Variants in SAMD5 observed in about 807,000 individuals in gnomAD.
SAMD5 encodes sterile alpha motif domain-containing protein 5.
Under a neutral mutation model 11.3 loss-of-function variants are expected in SAMD5, and 13 were observed. That is an observed-to-expected ratio of 1.15 (90% CI 0.75 to 1.83). The LOEUF is 1.83. SAMD5 is among the 40% of genes most tolerant of loss of function. The probability of loss-of-function intolerance (pLI) is 0.00; values close to 1 mark genes in which losing one functional copy is unlikely to be tolerated. For missense variants in SAMD5, 255 were observed against 239.1 expected (o/e 1.07, Z -0.44); for synonymous variants, 129 against 111.3 (o/e 1.16, Z -1.00).
At chr6:147,743,673 A>C in the SAMD5 span, among the ~76,000 whole-genome samples, 76 of 152,308 alleles carry the variant, frequency 5.0e-4, 1 homozygote, top group African/African-American at 1.7e-3. Flanking sequence ...TGAATGTCTT[A>C]ACACAATATT....
rs1237226810 is a variant in SAMD5, at chr6:147,564,842, T to G, written c.*386T>G. On this transcript the variant is annotated 3_prime_UTR_variant, in exon 2 of 2. Transcript: ENST00000367474. ...TAACAAAAAGGTAGATTTCTGACAG[T>G]AAGTAGTAATTATATTATTTCCAAA... 1.0e-6 allele frequency: 1 copy of G among 957,778 alleles called. No homozygotes were observed. Among genetic ancestry groups the G allele is most frequent in the South Asian group, 4.8e-5 (1 of 20,926 alleles). 59.3% of individuals were successfully genotyped at this position (957,778 alleles called of 1,614,324 possible).
chr6:147,520,716 A>T (rs1201457769), intron 1 of SAMD5, among the ~76,000 whole-genome samples: 1 of 152,094 alleles, frequency 6.6e-6, no homozygotes, highest in Middle Eastern at 3.2e-3. Context: ...TTGAAAAATG[A>T]TTTTCTCCTA....
At chr6:147,808,562 A>C in the SAMD5 span, among the ~76,000 whole-genome samples, 1 of 152,090 alleles carries the variant, frequency 6.6e-6, no homozygotes, top group South Asian at 2.1e-4. Context: ...GTGACACTAG[A>C]AGTAAGAGGG....
intron 1 of SAMD5, among the ~76,000 whole-genome samples, chr6:147,733,976 C>A (rs996848609): frequency 6.6e-6 from 1 of 152,042 alleles, no homozygotes; most frequent in Non-Finnish European, 1.5e-5. Context: ...GGACAGGATC[C>A]GAAATAAGGA....
At chr6:147,624,251 T>G (rs1299866427) in intron 1 of SAMD5, among the ~76,000 whole-genome samples, 1 of 152,118 alleles carries the variant, frequency 6.6e-6, no homozygotes, top group African/African-American at 2.4e-5. Flanking sequence ...CAGTGGAGTG[T>G]GCTCAGAAGG....
chr6:147,823,406 T>C, the SAMD5 span, among the ~76,000 whole-genome samples: 2 of 152,036 alleles, frequency 1.3e-5, no homozygotes, highest in Admixed American at 6.6e-5. Flanking sequence ...TTTAACTCTT[T>C]AGTAATACTG....
At chr6:147,950,533 T>G in the SAMD5 span, among the ~76,000 whole-genome samples, 1 of 152,184 alleles carries the variant, frequency 6.6e-6, no homozygotes, top group Non-Finnish European at 1.5e-5. Context: ...GGCCCCGACC[T>G]GGTATGACCA....
downstream of SAMD5, among the ~76,000 whole-genome samples, chr6:147,740,114 G>A (rs1463457772): frequency 2.0e-5 from 3 of 152,242 alleles, no homozygotes; most frequent in East Asian, 1.9e-4. Flanking sequence ...CACCACACCC[G>A]ACCATTTATA....
At chr6:147,845,033 A>T in the SAMD5 span, among the ~76,000 whole-genome samples, 1 of 152,210 alleles carries the variant, frequency 6.6e-6, no homozygotes, top group Non-Finnish European at 1.5e-5. Flanking sequence ...GAGGTGATAG[A>T]TATGCTGAGT....
the SAMD5 span, among the ~76,000 whole-genome samples, chr6:147,871,863 G>T: frequency 3.9e-5 from 6 of 152,048 alleles, no homozygotes; most frequent in African/African-American, 1.2e-4. Context: ...ATTTTCATGA[G>T]GCCAACCAGT....
the SAMD5 span, among the ~76,000 whole-genome samples, chr6:147,950,109 G>A: frequency 6.6e-6 from 1 of 152,098 alleles, no homozygotes; most frequent in Non-Finnish European, 1.5e-5. Context: ...AGCATCTTAG[G>A]AGAAGGGAAG....
chr6:147,896,432 C>T, the SAMD5 span, among the ~76,000 whole-genome samples: 3 of 151,996 alleles, frequency 2.0e-5, no homozygotes, highest in South Asian at 2.1e-4. Flanking sequence ...TTGAAGGAAG[C>T]TTCCTTGGTG....
At chr6:147,737,355 G>A (rs775389584) in exon 2 of SAMD5, 2 of 1,264,274 alleles carry the variant, frequency 1.6e-6, no homozygotes, top group South Asian at 2.6e-5. Context: ...TAATTTGCGT[G>A]CTGTTTATTG....
chr6:147,729,848 G>A (rs921593199), intron 1 of SAMD5: 1 of 456,490 alleles, frequency 2.2e-6, no homozygotes, highest in Non-Finnish European at 4.4e-6. Context: ...ACTTTGGGAG[G>A]CTGAGGCAGG....
intron 1 of SAMD5, among the ~76,000 whole-genome samples, chr6:147,536,189 T>G (rs1316980435): frequency 3.3e-5 from 5 of 152,058 alleles, no homozygotes; most frequent in African/African-American, 1.2e-4. Context: ...TTCACCATAT[T>G]AGCTAGGATG....
intron 1 of SAMD5, among the ~76,000 whole-genome samples, chr6:147,614,418 G>A (rs976699819): frequency 1.7e-4 from 26 of 151,380 alleles, no homozygotes; most frequent in African/African-American, 6.1e-4. Context: ...GCAGTGAGCT[G>A]AGATTGTGCC....
At chr6:147,606,950 T>C (rs1789710404) in intron 1 of SAMD5, among the ~76,000 whole-genome samples, 2 of 123,646 alleles carry the variant, frequency 1.6e-5, no homozygotes, top group Non-Finnish European at 3.2e-5. Flanking sequence ...TTCAAATCTG[T>C]AGCAGCTTTA....
At chr6:147,862,901 A>G in the SAMD5 span, among the ~76,000 whole-genome samples, 1 of 152,160 alleles carries the variant, frequency 6.6e-6, no homozygotes, top group African/African-American at 2.4e-5. Flanking sequence ...GTCTAAAGAA[A>G]ATTATCAATA....
chr6:147,808,273 G>C, the SAMD5 span, among the ~76,000 whole-genome samples: 1,257 of 152,338 alleles, frequency 8.3e-3, 24 homozygotes, highest in African/African-American at 0.029. Flanking sequence ...TGCAACCATT[G>C]CTCACTGCAG....
Sources: gnomAD v4.1 joint callset for allele counts (sites outside exome capture counted in the v4.1 genomes callset) on GRCh38, gnomAD v4.1.1 for gene constraint, MANE v1.5 for transcripts, NCBI Gene and HGNC (gene_info 2026-07-23, HGNC 2026-07-21) for gene names.